DIAPH2: variants seen among roughly 807,000 people sequenced by gnomAD.
The protein encoded by DIAPH2 is diaphanous related formin 2, also known as protein diaphanous homolog 2.
Under a neutral mutation model 92.7 loss-of-function variants are expected in DIAPH2, and 35 were observed. That is an observed-to-expected ratio of 0.38 (90% CI 0.29 to 0.50). DIAPH2 has a LOEUF of 0.50. DIAPH2 is among the 20% of genes least tolerant of loss of function. The pLI is 0.94. For missense variants in DIAPH2, 701 were observed against 819.5 expected, an observed-to-expected ratio of 0.86 and a Z score of 1.77; for synonymous variants, 301 against 280.4, an observed-to-expected ratio of 1.07 and a Z score of -0.73.
chrX:97,376,807 C>T (rs763951674), intron 24 of DIAPH2, among the ~76,000 whole-genome samples: 1 of 111,905 alleles, frequency 8.9e-6, no homozygotes, highest in African/African-American at 3.2e-5. Flanking sequence ...GCCTACTATA[C>T]ATTTAGACTA....
chrX:97,493,677 G>A (rs375680164), intron 26 of DIAPH2, among the ~76,000 whole-genome samples: 49 of 110,039 alleles, frequency 4.5e-4, no homozygotes, highest in Middle Eastern at 4.6e-3. Context: ...TCAGGAGATC[G>A]AGACCAGCCT....
At chrX:97,434,788 A>C (rs2070165324) in intron 26 of DIAPH2, among the ~76,000 whole-genome samples, 2 of 111,853 alleles carry the variant, frequency 1.8e-5, no homozygotes, top group Admixed American at 9.5e-5. Flanking sequence ...GGATAAGTTA[A>C]ACTGAAAGTG....
intron 2 of DIAPH2, among the ~76,000 whole-genome samples, chrX:96,737,438 A>G (rs1335388907): frequency 8.9e-6 from 1 of 111,976 alleles, no homozygotes; most frequent in Non-Finnish European, 1.9e-5. Flanking sequence ...TGTTGAAGTA[A>G]TTATATAAGG....
At chrX:96,756,838 G>GTT (rs1431143729) in intron 3 of DIAPH2, among the ~76,000 whole-genome samples, 2 of 107,890 alleles carry the variant, frequency 1.9e-5, no homozygotes, top group Admixed American at 1.0e-4. Flanking sequence ...TCTCACTGTG[G>GTT]TTTTGATTTG....
intron 25 of DIAPH2, among the ~76,000 whole-genome samples, chrX:97,409,973 T>G (rs1240393706): frequency 8.9e-6 from 1 of 112,639 alleles, no homozygotes; most frequent in Non-Finnish European, 1.9e-5. Flanking sequence ...CATCAGAAAC[T>G]TCTGCAGACT....
chrX:97,498,377 C>T (rs905671982), intron 26 of DIAPH2, among the ~76,000 whole-genome samples: 1 of 111,443 alleles, frequency 9.0e-6, no homozygotes, highest in East Asian at 2.8e-4. Flanking sequence ...CATTAAGTTA[C>T]CCCAAGAAAA....
rs199849674 is a variant in DIAPH2 at position 97,269,745 on chromosome X, A to ATTTT, written c.2844+21908_2844+21911dup. ...ATAAAGACACAATGAAGGAGATACT[A>ATTTT]TTTTTATTTTTTTTTTTTTTTTTTG... On this transcript the variant is annotated intron_variant, in intron 23 of 26. Coordinates refer to ENST00000324765, the MANE Select transcript of DIAPH2 (RefSeq NM_006729.5). Among the ~76,000 whole-genome samples the ATTTT allele has an allele frequency of 2.2e-4, 23 of 104,626 alleles. 1 individual carries two copies. Among genetic ancestry groups the ATTTT allele is most frequent in the African/African-American group, 7.4e-4 (20 of 26,898 alleles). The allele number at this position is 104,626 out of a possible 115,157, so 90.9% of individuals were successfully genotyped here.
intron 21 of DIAPH2, among the ~76,000 whole-genome samples, chrX:97,132,275 A>G (rs2067143062): frequency 9.0e-6 from 1 of 111,621 alleles, no homozygotes; most frequent in African/African-American, 3.3e-5. Flanking sequence ...TATCAGGCCT[A>G]CATAAAGGAT....
At chrX:97,348,072 C>T (rs2050135349) in intron 23 of DIAPH2, 44 bp from the exon 24 acceptor site, 16 of 1,167,106 alleles carry the variant, frequency 1.4e-5, no homozygotes, top group African/African-American at 1.8e-5. Context: ...GATTGATTGC[C>T]TTTAAAAGGT....
intron 26 of DIAPH2, among the ~76,000 whole-genome samples, chrX:97,552,490 A>G (rs1462395547): frequency 1.8e-5 from 2 of 111,476 alleles, no homozygotes; most frequent in Non-Finnish European, 1.9e-5. Flanking sequence ...TCTGGAATCA[A>G]CACCTCAAAA....
At chrX:97,490,284 G>A (rs1006870553) in intron 26 of DIAPH2, among the ~76,000 whole-genome samples, 1 of 103,788 alleles carries the variant, frequency 9.6e-6, no homozygotes, top group Non-Finnish European at 2.0e-5. Flanking sequence ...TTCTGATTTT[G>A]AATCTTTTTT....
chrX:96,932,048 T>C (rs2065622990), intron 10 of DIAPH2, among the ~76,000 whole-genome samples: 1 of 111,191 alleles, frequency 9.0e-6, no homozygotes. Context: ...TTGTTTTTTT[T>C]TTCACTAATT....
At chrX:97,185,171 C>T (rs1020769359) in intron 22 of DIAPH2, among the ~76,000 whole-genome samples, 1 of 94,580 alleles carries the variant, frequency 1.1e-5, no homozygotes, top group Admixed American at 1.3e-4. Flanking sequence ...TTATAGGCAC[C>T]CGTCACCAAT....
intron 22 of DIAPH2, among the ~76,000 whole-genome samples, chrX:97,213,212 G>A (rs2067855388): frequency 9.0e-6 from 1 of 111,551 alleles, no homozygotes; most frequent in South Asian, 3.7e-4. Context: ...TAAGATATGA[G>A]ATGAAAATGT....
intron 26 of DIAPH2, among the ~76,000 whole-genome samples, chrX:97,563,522 A>G (rs1433535682): frequency 9.0e-6 from 1 of 111,724 alleles, no homozygotes; most frequent in Non-Finnish European, 1.9e-5. Context: ...ATACGTTATC[A>G]GTTTAATTAC....
chrX:96,794,403 A>G (rs1197138917), intron 4 of DIAPH2, among the ~76,000 whole-genome samples: 1 of 110,901 alleles, frequency 9.0e-6, no homozygotes, highest in African/African-American at 3.3e-5. Context: ...AATCATGGAA[A>G]TAGATATTTT....
intron 23 of DIAPH2, among the ~76,000 whole-genome samples, chrX:97,263,673 G>A (rs936519123): frequency 2.8e-5 from 3 of 108,864 alleles, no homozygotes; most frequent in African/African-American, 6.7e-5. Context: ...TGCAACCTCC[G>A]CCTCCTGGGC....
chrX:97,068,825 AAAT>A (rs1358047917), intron 17 of DIAPH2, among the ~76,000 whole-genome samples: 2 of 112,373 alleles, frequency 1.8e-5, no homozygotes, highest in African/African-American at 3.2e-5. Context: ...TTTACTTGTT[AAAT>A]ATACAAATAT....
At chrX:97,562,776 T>A (rs2071303270) in intron 26 of DIAPH2, among the ~76,000 whole-genome samples, 2 of 111,834 alleles carry the variant, frequency 1.8e-5, no homozygotes, top group African/African-American at 6.5e-5. Flanking sequence ...TATAGTTCAA[T>A]GGGTGTTTTT....
Sources: allele counts gnomAD v4.1 joint callset (sites outside exome capture counted in the v4.1 genomes callset), GRCh38; gene constraint gnomAD v4.1.1; transcripts MANE v1.5; gene names NCBI Gene and HGNC (gene_info 2026-07-23, HGNC 2026-07-21).